Variants in FILIP1 observed in about 807,000 individuals in gnomAD.
The protein encoded by FILIP1 is filamin-A-interacting protein 1.
Under a neutral mutation model 102.1 loss-of-function variants are expected in FILIP1, and 61 were observed. The ratio of observed to expected loss-of-function variants is 0.60; its 90% CI spans 0.49 to 0.74. The LOEUF (loss-of-function observed/expected upper bound fraction) is 0.74. FILIP1 is among the 30% of genes least tolerant of loss of function. The pLI is 0.00. For synonymous variants in FILIP1, 491 were observed against 526.9 expected (o/e 0.93, Z 0.93); for missense variants, 1,314 against 1,441.2 (o/e 0.91, Z 1.43).
chr6:75,307,491 G>T (rs931020189), downstream of FILIP1, among the ~76,000 whole-genome samples: 1 of 152,106 alleles, frequency 6.6e-6, no homozygotes, highest in Admixed American at 6.6e-5. Flanking sequence ...GTCAGCAAAG[G>T]TGCAGCCTAC....
chr6:75,416,602 A>G (rs1477298971), intron 1 of FILIP1, among the ~76,000 whole-genome samples: 1 of 146,444 alleles, frequency 6.8e-6, no homozygotes, highest in Non-Finnish European at 1.5e-5. Flanking sequence ...AAAAAAAAAA[A>G]GAAGTGATGA....
chr6:75,441,938 C>A (rs1414455079), intron 1 of FILIP1, among the ~76,000 whole-genome samples: 1 of 149,952 alleles, frequency 6.7e-6, no homozygotes, highest in African/African-American at 2.5e-5. Context: ...GGGGGGCTGA[C>A]CCCCACCTCC....
chr6:75,372,139 G>A (rs1273517134), intron 2 of FILIP1, among the ~76,000 whole-genome samples: 1 of 152,112 alleles, frequency 6.6e-6, no homozygotes, highest in Non-Finnish European at 1.5e-5. Flanking sequence ...AAGGTGGGTG[G>A]ATCACCTGAG....
chr6:75,348,060 T>TACACACACAC (rs1320631156), intron 4 of FILIP1, among the ~76,000 whole-genome samples: 1 of 54,702 alleles, frequency 1.8e-5, no homozygotes, highest in Non-Finnish European at 3.7e-5. Flanking sequence ...CCACATCAGT[T>TACACACACAC]ATACACACAC....
chr6:75,375,465 C>CA (rs1430106767), intron 2 of FILIP1, among the ~76,000 whole-genome samples: 2 of 152,146 alleles, frequency 1.3e-5, no homozygotes, highest in Non-Finnish European at 2.9e-5. Context: ...GGGCAAATGG[C>CA]AAATGCCAAT....
Position 75,493,487 on chromosome 6 carries a change from G to C in FILIP1, c.-80C>G, listed in dbSNP as rs199946842. 1 of 152,160 alleles carries C rather than the reference G, an allele frequency of 6.6e-6. No individual in the cohort carries two copies. Among genetic ancestry groups the C allele is most frequent in the Non-Finnish European group, 1.5e-5 (1 of 68,034 alleles). 9.4% of individuals were successfully genotyped at this position (152,160 alleles called of 1,614,324 possible). A position where few individuals can be genotyped will look rare whatever the true frequency, so the allele number is the denominator to read the frequency against. ...TATCCTTTGAAGAACCCAGTGGCTT[G>C]TCTCACAGCCCAAGACAGATTCGAG... On this transcript the variant is annotated 5_prime_UTR_variant, in exon 1 of 6. Coordinates refer to ENST00000237172, the MANE Select transcript of FILIP1 (RefSeq NM_015687.5).
chr6:75,312,923 G>T lies in FILIP1; in HGVS notation c.2909C>A (p.Thr970Asn), dbSNP rs780739578. 3 of 1,614,162 alleles carry T rather than the reference G, an allele frequency of 1.9e-6. No individual in the cohort carries two copies. In the East Asian group the frequency reaches 6.7e-5, roughly 36 times the overall value. ...VMPQKQKSGD[T>N]TLGPERAMSP... ...CATGGCTCGTTCTGGGCCAAGAGTA[G>T]TATCTCCACTTTTTTGTTTTTGAGG... Residue 970 changes from threonine (T) to asparagine (N), a missense_variant, in exon 5 of 6, where the codon ACT (threonine) becomes AAT (asparagine). Physicochemically the swap from Thr to Asn is moderately conservative, Grantham distance 65. This residue lies in a region of FILIP1 where 816 missense variants were observed against 913.1 expected (regional missense o/e 0.89). Transcript: ENST00000237172.
chr6:75,455,761 T>C (rs999501427), intron 1 of FILIP1, among the ~76,000 whole-genome samples: 2 of 152,192 alleles, frequency 1.3e-5, no homozygotes, highest in African/African-American at 4.8e-5. Context: ...GGCTTTCTTA[T>C]CTTGATACAT....
intron 3 of FILIP1, among the ~76,000 whole-genome samples, chr6:75,359,133 G>GC (rs2149608749): frequency 6.6e-6 from 1 of 152,226 alleles, no homozygotes; most frequent in South Asian, 2.1e-4. Context: ...AGCCTCCCAA[G>GC]TAGCTGGGAT....
chr6:75,401,978 T>G (rs1776674878), intron 2 of FILIP1, among the ~76,000 whole-genome samples: 1 of 152,214 alleles, frequency 6.6e-6, no homozygotes, highest in Admixed American at 6.5e-5. Context: ...GAGGAAAATG[T>G]AGGCTGCAGC....
chr6:75,459,507 G>C (rs971088875), intron 1 of FILIP1, among the ~76,000 whole-genome samples: 1 of 152,122 alleles, frequency 6.6e-6, no homozygotes, highest in Non-Finnish European at 1.5e-5. Flanking sequence ...TTCCTTCTCA[G>C]TCCCTTCAGC....
At chr6:75,396,966 GA>G (rs2063165897) in intron 2 of FILIP1, among the ~76,000 whole-genome samples, 1 of 136,792 alleles carries the variant, frequency 7.3e-6, no homozygotes, top group South Asian at 2.3e-4. Flanking sequence ...ATTGAGCAAC[GA>G]AAACACATGG....
chr6:75,330,480 G>A (rs1252706982), intron 4 of FILIP1, among the ~76,000 whole-genome samples: 2 of 152,040 alleles, frequency 1.3e-5, no homozygotes, highest in Admixed American at 1.3e-4. Context: ...GCCCAGTGCA[G>A]GAAGGCCTAT....
intron 1 of FILIP1, among the ~76,000 whole-genome samples, chr6:75,470,489 C>G (rs939657420): frequency 6.6e-6 from 1 of 152,110 alleles, no homozygotes; most frequent in Non-Finnish European, 1.5e-5. Flanking sequence ...TTTGATATTT[C>G]TGTGCCTCAG....
intron 2 of FILIP1, among the ~76,000 whole-genome samples, chr6:75,387,129 T>G (rs2149650783): frequency 6.6e-6 from 1 of 152,290 alleles, no homozygotes; most frequent in Non-Finnish European, 1.5e-5. Flanking sequence ...TTTGGTTTTC[T>G]GTTCCTGTGT....
At chr6:75,455,447 G>C (rs953747537) in intron 1 of FILIP1, 46 of 152,148 alleles carry the variant, frequency 3.0e-4, no homozygotes, top group African/African-American at 1.0e-3. Context: ...ATCAGTGCTA[G>C]TTGGGAAGAA....
intron 4 of FILIP1, chr6:75,334,582 A>G (rs1047292682): frequency 2.0e-5 from 3 of 152,202 alleles, no homozygotes; most frequent in Non-Finnish European, 4.4e-5. Flanking sequence ...TAACAAATGA[A>G]ATGCGCATGG....
chr6:75,449,344 G>A (rs1778546282), intron 1 of FILIP1, among the ~76,000 whole-genome samples: 1 of 152,128 alleles, frequency 6.6e-6, no homozygotes, highest in Admixed American at 6.5e-5. Flanking sequence ...TGGGAGGGCA[G>A]TGAGAGATAA....
chr6:75,377,599 GACTGAGAGC>G (rs1221937602), intron 2 of FILIP1, among the ~76,000 whole-genome samples: 1 of 152,152 alleles, frequency 6.6e-6, no homozygotes, highest in East Asian at 1.9e-4. Flanking sequence ...CTTCCCACAA[GACTGAGAGC>G]ACTGAAGGCA....
Sources: allele counts gnomAD v4.1 joint callset (sites outside exome capture counted in the v4.1 genomes callset), GRCh38; gene constraint gnomAD v4.1.1; regional missense constraint gnomAD v4.1.1; transcripts MANE v1.5; gene names NCBI Gene and HGNC (gene_info 2026-07-23, HGNC 2026-07-21).